The following VWA5B1 variants were observed in gnomAD, a reference collection of about 807,000 sequenced individuals.
The protein encoded by VWA5B1 is von Willebrand factor A domain-containing protein 5B1.
A neutral mutation model predicts 118.2 loss-of-function variants in VWA5B1; 115 were observed. That is an observed-to-expected ratio of 0.97 (90% CI 0.84 to 1.14). The LOEUF is 1.14. VWA5B1 is among the 50% of genes most tolerant of loss of function. The probability of loss-of-function intolerance (pLI) is 0.00; values close to 1 mark genes in which losing one functional copy is unlikely to be tolerated. For synonymous variants in VWA5B1, 682 were observed against 658.4 expected, an observed-to-expected ratio of 1.04 and a Z score of -0.55; for missense variants, 1,596 against 1,603.8, an observed-to-expected ratio of 1.00 and a Z score of 0.08.
chr1:20,303,401 C>G (rs894915803), intron 1 of VWA5B1: 2 of 152,476 alleles, frequency 1.3e-5, no homozygotes, highest in Non-Finnish European at 2.9e-5. Context: ...GTTTCTGGGA[C>G]AACAATGTGC....
intron 1 of VWA5B1, among the ~76,000 whole-genome samples, chr1:20,293,098 A>G (rs1238616708): frequency 1.3e-5 from 2 of 152,168 alleles, no homozygotes; most frequent in South Asian, 4.1e-4. Flanking sequence ...AGGAGGAGGT[A>G]GAGGACAGGC....
intron 20 of VWA5B1, among the ~76,000 whole-genome samples, 187 bp downstream of exon 20, chr1:20,351,113 CACTTT>C (rs1377480687): frequency 3.3e-5 from 5 of 152,320 alleles, no homozygotes; most frequent in African/African-American, 1.2e-4. Context: ...TCAAATCCCC[CACTTT>C]ACTTTATCTC....
At chr1:20,307,538 AATGAGATAATAT>A in intron 1 of VWA5B1, among the ~76,000 whole-genome samples, 1 of 152,360 alleles carries the variant, frequency 6.6e-6, no homozygotes. Context: ...ATGAGGATTA[AATGAGATAATAT>A]ATGTGCCTGG....
At chr1:20,338,077 A>G in intron 14 of VWA5B1, 1 of 668,122 alleles carries the variant, frequency 1.5e-6, no homozygotes, top group Non-Finnish European at 2.8e-6. Flanking sequence ...TTGGCAAGGA[A>G]CATTTGCATG....
Position 20,312,913 on chromosome 1 carries a change from G to A in VWA5B1, c.217G>A (p.Val73Ile), listed in dbSNP as rs1302721593. 24 of 1,551,728 alleles carry A rather than the reference G, an allele frequency of 1.5e-5. No homozygotes were observed. The highest frequency in any genetic ancestry group is 1.9e-5 in the Non-Finnish European group (22 of 1,147,008). Residue 73 changes from valine (V) to isoleucine (I), a missense_variant, in exon 3 of 22, where the codon GTA (valine) becomes ATA (isoleucine). Transcript: ENST00000289815. The stretch of plus-strand genomic sequence containing the variant: ...AGTCATTGCCGACCGTGTCGTGACA[G>A]TACAGATCAAGGACAAAGCCAAGCT... ...EAVIADRVVT[V>I]QIKDKAKLES... is the part of the protein sequence containing the mutation.
chr1:20,314,675 G>T (rs745728325), intron 4 of VWA5B1, 83 bp downstream of exon 4: 26 of 1,491,562 alleles, frequency 1.7e-5, no homozygotes, highest in Middle Eastern at 2.1e-4. Flanking sequence ...GGGACAGGGT[G>T]GGGGGAGACA....
At chr1:20,315,610 CA>C (rs1366070948) in intron 4 of VWA5B1, among the ~76,000 whole-genome samples, 1 of 152,192 alleles carries the variant, frequency 6.6e-6, no homozygotes, top group Non-Finnish European at 1.5e-5. Context: ...ATGAAGGGTG[CA>C]AGCCATGGAC....
chr1:20,311,154 G>A (rs2088837224), intron 2 of VWA5B1, among the ~76,000 whole-genome samples: 1 of 152,148 alleles, frequency 6.6e-6, no homozygotes, highest in South Asian at 2.1e-4. Flanking sequence ...TGCATTTTTT[G>A]TAGAGATGGG....
At chr1:20,339,660 C>T (rs532593014) in intron 14 of VWA5B1, among the ~76,000 whole-genome samples, 2 of 152,102 alleles carry the variant, frequency 1.3e-5, no homozygotes. Flanking sequence ...CTCCCACTTC[C>T]AACCACCACC....
At chr1:20,322,520 A>G (rs950818636) in intron 7 of VWA5B1, among the ~76,000 whole-genome samples, 2 of 152,224 alleles carry the variant, frequency 1.3e-5, no homozygotes, top group Non-Finnish European at 2.9e-5. Context: ...CCATCTCTGG[A>G]CTAGGCCCTG....
chr1:20,327,601 G>A (rs1316731888), intron 8 of VWA5B1, among the ~76,000 whole-genome samples: 1 of 151,582 alleles, frequency 6.6e-6, no homozygotes, highest in Non-Finnish European at 1.5e-5. Context: ...AAGGCTTTAA[G>A]AAATCAGACC....
chr1:20,297,347 G>T (rs1289384222), intron 1 of VWA5B1, among the ~76,000 whole-genome samples: 1 of 152,236 alleles, frequency 6.6e-6, no homozygotes, highest in Non-Finnish European at 1.5e-5. Flanking sequence ...ATTCCTCCAT[G>T]ATCGCTGTGG....
intron 9 of VWA5B1, among the ~76,000 whole-genome samples, chr1:20,329,717 G>C (rs960349283): frequency 3.9e-5 from 6 of 152,102 alleles, no homozygotes; most frequent in Admixed American, 3.9e-4. Flanking sequence ...CCACACAGTT[G>C]GTCCAGAGCA....
intron 20 of VWA5B1, among the ~76,000 whole-genome samples, chr1:20,351,565 T>A (rs2090130438): frequency 6.6e-6 from 1 of 152,004 alleles, no homozygotes; most frequent in East Asian, 1.9e-4. Context: ...GGCAGGAGAA[T>A]CACTTGGACC....
intron 7 of VWA5B1, among the ~76,000 whole-genome samples, chr1:20,322,444 G>A (rs1468052611): frequency 2.0e-5 from 3 of 152,200 alleles, no homozygotes; most frequent in Non-Finnish European, 2.9e-5. Flanking sequence ...TGGCCTCAGG[G>A]CCAGCTAGGA....
rs556180391 is a variant in VWA5B1 at position 20,313,820 on chromosome 1, A to G, written c.293-502A>G. On this transcript the variant is annotated intron_variant, in intron 3 of 21. Transcript: ENST00000289815. ...GTCTAGGAGTAACCATGATGGGAGC[A>G]GGGGGTGGAAAGTGGCTGTGTCAAG... 2.0e-5 allele frequency among the ~76,000 whole-genome samples: 3 copies of G among 152,304 alleles called. No individual in the cohort carries two copies. In the East Asian group the frequency reaches 5.8e-4, roughly 29 times the overall value.
chr1:20,308,986 C>A (rs114401945), intron 1 of VWA5B1, among the ~76,000 whole-genome samples: 4 of 152,212 alleles, frequency 2.6e-5, no homozygotes, highest in African/African-American at 9.6e-5. Context: ...TGACCTCAGA[C>A]TTCTATCCCA....
chr1:20,299,296 G>A (rs538708766), intron 1 of VWA5B1, among the ~76,000 whole-genome samples: 2 of 152,262 alleles, frequency 1.3e-5, no homozygotes, highest in South Asian at 2.1e-4. Flanking sequence ...CAAGAAGAGG[G>A]GCAATACCAA....
chr1:20,293,941 G>C (rs894215175), intron 1 of VWA5B1, among the ~76,000 whole-genome samples: 18 of 152,158 alleles, frequency 1.2e-4, no homozygotes. Context: ...TGGAGTGTGA[G>C]TGCAGGCAGC....
Sources: allele counts gnomAD v4.1 joint callset (sites outside exome capture counted in the v4.1 genomes callset), GRCh38; gene constraint gnomAD v4.1.1; transcripts MANE v1.5; gene names NCBI Gene and HGNC (gene_info 2026-07-23, HGNC 2026-07-21).